The following AMELX variants were observed in gnomAD, a reference collection of about 807,000 sequenced individuals.
AMELX encodes amelogenin, X isoform.
Under a neutral mutation model 15.8 loss-of-function variants are expected in AMELX, and 9 were observed. The observed-to-expected ratio is 0.57, with a 90% CI of 0.34 to 0.99. AMELX has a LOEUF of 0.99. Ranked by LOEUF, AMELX falls within the 50% of genes least tolerant of loss-of-function variation. The pLI is 0.02. For missense variants in AMELX, 107 were observed against 156.2 expected, an observed-to-expected ratio of 0.68 and a Z score of 1.68; for synonymous variants, 61 against 58.8, an observed-to-expected ratio of 1.04 and a Z score of -0.17.
intron 1 of AMELX, among the ~76,000 whole-genome samples, chrX:11,294,470 A>G (rs1356514834): frequency 1.8e-5 from 2 of 111,819 alleles, no homozygotes; most frequent in Non-Finnish European, 3.8e-5. Context: ...TTTAGCTTCT[A>G]TGACTAAGGG....
chrX:11,301,829 C>T (rs2048178181), downstream of AMELX, among the ~76,000 whole-genome samples: 1 of 111,602 alleles, frequency 9.0e-6, no homozygotes, highest in Admixed American at 9.5e-5. Flanking sequence ...ATTAAAAAGG[C>T]CAAATGGTAT....
rs375383821 is a variant in AMELX, at chrX:11,298,287, C to T, written c.144+10C>T. 108 of 1,206,273 alleles carry T rather than the reference C, an allele frequency of 9.0e-5. No individual in the cohort carries two copies. In the African/African-American group the frequency reaches 1.7e-3, roughly 19 times the overall value. The stretch of plus-strand genomic sequence containing the variant: ...GAGCATAAGGCCACCGGTATGTAGA[C>T]ATTTTGTTCCTTATTCCCTGAAAAT... On this transcript the variant is annotated intron_variant, in intron 4 of 5. Coordinates refer to ENST00000380714, the MANE Select transcript of AMELX (RefSeq NM_001142.2).
At chrX:11,308,956 G>A in the AMELX span, among the ~76,000 whole-genome samples, 3 of 111,969 alleles carry the variant, frequency 2.7e-5, no homozygotes, top group Middle Eastern at 4.6e-3. Context: ...AGCCTGGTTT[G>A]AAGACTCTGA....
chrX:11,302,179 G>C (rs2048182603), downstream of AMELX, among the ~76,000 whole-genome samples: 1 of 112,117 alleles, frequency 8.9e-6, no homozygotes. Flanking sequence ...CATTTTAAGC[G>C]CTAAATAGCC....
chrX:11,301,207 T>G (rs1603044302), downstream of AMELX, among the ~76,000 whole-genome samples: 1 of 111,932 alleles, frequency 8.9e-6, no homozygotes, highest in East Asian at 2.8e-4. Context: ...TAAATGAAAT[T>G]ATGTGATATG....
chrX:11,295,410 C>T (rs781662544), intron 2 of AMELX, among the ~76,000 whole-genome samples: 2 of 111,062 alleles, frequency 1.8e-5, no homozygotes, highest in South Asian at 7.8e-4. Context: ...TTTGTGGTTG[C>T]CCGGGATCCT....
chrX:11,309,017 C>T, the AMELX span, among the ~76,000 whole-genome samples: 72 of 111,869 alleles, frequency 6.4e-4, no homozygotes, highest in African/African-American at 2.3e-3. Flanking sequence ...ATTTGAACCA[C>T]CTGAGCTTTG....
At chrX:11,305,690 T>C (rs917521949), downstream of AMELX, among the ~76,000 whole-genome samples, 2 of 112,195 alleles carry the variant, frequency 1.8e-5, no homozygotes, top group African/African-American at 6.5e-5. Context: ...AGTTCTGTTC[T>C]GAGATTTGCT....
At chrX:11,309,058 AT>A in the AMELX span, among the ~76,000 whole-genome samples, 1 of 111,681 alleles carries the variant, frequency 9.0e-6, no homozygotes, top group African/African-American at 3.3e-5. Flanking sequence ...GCCAGGACAC[AT>A]TGAGCAAATC....
At chrX:11,308,747 G>A in the AMELX span, among the ~76,000 whole-genome samples, 54 of 111,983 alleles carry the variant, frequency 4.8e-4, no homozygotes, top group Middle Eastern at 4.6e-3. Context: ...CACTGGACTG[G>A]AACAGTAACA....
chrX:11,293,895 T>C, intron 1 of AMELX, among the ~76,000 whole-genome samples: 1 of 112,265 alleles, frequency 8.9e-6, no homozygotes, highest in East Asian at 2.8e-4. Context: ...TAGTGTACTT[T>C]TCATAGACAG....
At chrX:11,294,363 C>T (rs2048045928) in intron 1 of AMELX, among the ~76,000 whole-genome samples, 1 of 112,239 alleles carries the variant, frequency 8.9e-6, no homozygotes, top group South Asian at 3.7e-4. Flanking sequence ...CATTTCTGTG[C>T]CTCCTTGTTC....
rs1249287917 is a variant in AMELX, at chrX:11,296,796, G to C, written c.72G>C (p.Gly24=). The change falls in exon 3 of 6, where the codon GGG becomes GGC. Residue 24 remains glycine, a synonymous_variant. Transcript: ENST00000380714. ...AFAMPLPPHP[G]HPGYINFSYE... ...TGTAAAAGCTACCACCTCATCCTGG[G>C]CACCCTGGTTATATCAACTTCAGCT... 8.3e-7 allele frequency: 1 copy of C among 1,207,955 alleles called. No homozygotes were observed. The highest frequency in any genetic ancestry group is 1.1e-6 in the Non-Finnish European group (1 of 894,385).
chrX:11,299,819 C>T (rs2048146508), intron 5 of AMELX, among the ~76,000 whole-genome samples: 1 of 111,801 alleles, frequency 8.9e-6, no homozygotes, highest in African/African-American at 3.2e-5. Flanking sequence ...ACAAAGGTTC[C>T]AATTCTGGCT....
chrX:11,298,574 G>A lies in AMELX; in HGVS notation c.171G>A (p.Met57Ile), dbSNP rs765687165. 55 of 1,208,899 alleles carry A rather than the reference G, an allele frequency of 4.5e-5. No individual in the cohort carries two copies. Among genetic ancestry groups the A allele is most frequent in the Non-Finnish European group, 5.8e-5 (52 of 895,009 alleles). The change falls in exon 5 of 6, where the codon ATG (methionine) becomes ATA (isoleucine). Residue 57 changes from methionine to isoleucine, a missense_variant. Met to Ile is a conservative substitution (Grantham distance 10, BLOSUM62 1). Coordinates refer to ENST00000380714, the MANE Select transcript of AMELX (RefSeq NM_001142.2). Reference protein sequence around the residue: ...PPYPSYGYEPMGGWLHHQIIP... With the variant: ...PPYPSYGYEPIGGWLHHQIIP... ...ACCCTTCCTATGGTTACGAGCCCAT[G>A]GGTGGATGGCTGCACCACCAAATCA...
the AMELX span, among the ~76,000 whole-genome samples, chrX:11,308,374 A>G: frequency 8.9e-6 from 1 of 112,109 alleles, no homozygotes; most frequent in Admixed American, 9.5e-5. Flanking sequence ...ATTAAAAAAA[A>G]TAAAATTTGC....
Position 11,298,529 on chromosome X carries a change from C to A in AMELX, c.145-19C>A. 1.7e-6 allele frequency: 2 copies of A among 1,211,195 alleles called. No individual in the cohort carries two copies. Among genetic ancestry groups the A allele is most frequent in the African/African-American group, 1.7e-5 (1 of 57,730 alleles). The stretch of plus-strand genomic sequence containing the variant: ...GTCACCTGAGCCAATGGTAAACCTG[C>A]CTCTCTGTTTCTCACCAGTACCCTT... On this transcript the variant is annotated intron_variant, in intron 4 of 5. Coordinates refer to ENST00000380714, the MANE Select transcript of AMELX (RefSeq NM_001142.2).
chrX:11,304,176 G>A (rs776295737), downstream of AMELX, among the ~76,000 whole-genome samples: 6 of 109,671 alleles, frequency 5.5e-5, no homozygotes, highest in African/African-American at 1.0e-4. Flanking sequence ...TGCAACTTCC[G>A]CCTCCTGGGT....
the AMELX span, among the ~76,000 whole-genome samples, chrX:11,307,517 T>C: frequency 8.9e-6 from 1 of 112,236 alleles, no homozygotes; most frequent in African/African-American, 3.2e-5. Flanking sequence ...CACAGCTGCA[T>C]GCAATAACAA....
Sources: gnomAD v4.1 joint callset for allele counts (sites outside exome capture counted in the v4.1 genomes callset) on GRCh38, gnomAD v4.1.1 for gene constraint, MANE v1.5 for transcripts, NCBI Gene and HGNC (gene_info 2026-07-23, HGNC 2026-07-21) for gene names.